Variants in ABI1 observed in about 807,000 individuals in gnomAD.
ABI1 encodes abl interactor 1.
ABI1 carries 14 observed loss-of-function variants against 54.6 expected under a neutral mutation model. That is an observed-to-expected ratio of 0.26 (90% CI 0.17 to 0.40). The LOEUF is 0.40. ABI1 is among the 10% of genes least tolerant of loss of function. ABI1 has a pLI of 1.00. For missense variants in ABI1, 443 were observed against 598.3 expected, an observed-to-expected ratio of 0.74 and a Z score of 2.71; for synonymous variants, 194 against 209.3, an observed-to-expected ratio of 0.93 and a Z score of 0.63.
At chr10:26,807,522 C>T (rs977130949) in intron 2 of ABI1, among the ~76,000 whole-genome samples, 2 of 152,144 alleles carry the variant, frequency 1.3e-5, no homozygotes, top group African/African-American at 4.8e-5. Context: ...TGACTTAAAT[C>T]GCAAACTTTC....
chr10:26,766,026 T>C (rs1389289925), intron 6 of ABI1, among the ~76,000 whole-genome samples: 10 of 152,240 alleles, frequency 6.6e-5, no homozygotes, highest in Non-Finnish European at 1.5e-4. Context: ...GGTAATGTAA[T>C]AGATACAACA....
At chr10:26,771,030 T>C in intron 4 of ABI1, 45 bp downstream of exon 4, 2 of 1,603,092 alleles carry the variant, frequency 1.2e-6, no homozygotes, top group South Asian at 1.1e-5. Flanking sequence ...CCTCTATCAA[T>C]ACAGAGGAAA....
At chr10:26,784,059 CG>C (rs1344102796) in intron 2 of ABI1, among the ~76,000 whole-genome samples, 1 of 152,082 alleles carries the variant, frequency 6.6e-6, no homozygotes, top group Non-Finnish European at 1.5e-5. Context: ...ACCTTAGATG[CG>C]GGGAAGTAAG....
At chr10:26,850,813 G>T (rs181302735) in intron 1 of ABI1, among the ~76,000 whole-genome samples, 2,408 of 134,388 alleles carry the variant, frequency 0.018, 45 homozygotes, top group African/African-American at 0.051. Flanking sequence ...GGTCAAGTAG[G>T]TTATTAGATA....
chr10:26,786,340 G>T (rs1057384873), intron 2 of ABI1, among the ~76,000 whole-genome samples: 1 of 151,550 alleles, frequency 6.6e-6, no homozygotes, highest in Non-Finnish European at 1.5e-5. Flanking sequence ...CATGACTCCC[G>T]AGTAGCTGGG....
chr10:26,800,607 T>C (rs776564574), intron 2 of ABI1, among the ~76,000 whole-genome samples: 5 of 151,926 alleles, frequency 3.3e-5, no homozygotes, highest in Non-Finnish European at 5.9e-5. Context: ...TGAGAACTCA[T>C]CTCTATAAAA....
At chr10:26,749,250 CTTACT>C (rs1182333878) in intron 10 of ABI1, among the ~76,000 whole-genome samples, 2 of 152,064 alleles carry the variant, frequency 1.3e-5, no homozygotes, top group South Asian at 4.1e-4. Context: ...AGAATATTTA[CTTACT>C]TTAAAGGATT....
intron 2 of ABI1, among the ~76,000 whole-genome samples, chr10:26,787,490 C>T (rs116682279): frequency 2.9e-4 from 44 of 152,216 alleles, no homozygotes; most frequent in African/African-American, 9.9e-4. Context: ...CTACTCTGGT[C>T]TACTCCCTCT....
intron 4 of ABI1, 93 bp downstream of exon 4, chr10:26,770,982 G>A: frequency 2.4e-6 from 3 of 1,254,086 alleles, no homozygotes; most frequent in South Asian, 1.2e-5. Flanking sequence ...AAAGCAGACA[G>A]ACATAAGAAG....
rs1053959943 is a variant in ABI1, at chr10:26,777,133, G to A, written c.394C>T (p.Arg132Cys). The change falls in exon 3 of 11, where the codon CGC becomes TGC. Residue 132 changes from arginine (R) to cysteine (C), a missense_variant. Transcript: ENST00000376140. ...GGTTTCCGAATATACCTTACAGGGC[G>A]CTCCATATTCGCAGGTGCTATTATT... The part of the protein sequence containing the change: ...HKIIAPANME[R>C]PVRYIRKPID... 1.9e-6 allele frequency: 3 copies of A among 1,613,764 alleles called. No homozygotes were observed. The highest frequency in any genetic ancestry group is 2.2e-5 in the East Asian group (1 of 44,878).
At chr10:26,761,617 C>CTTATAT (rs1839173379) in intron 7 of ABI1, among the ~76,000 whole-genome samples, 1 of 49,836 alleles carries the variant, frequency 2.0e-5, no homozygotes, top group Non-Finnish European at 3.5e-5. Flanking sequence ...TAGTTTTTGT[C>CTTATAT]ATATATATAT....
At chr10:26,817,529 C>T (rs2133692265) in intron 2 of ABI1, among the ~76,000 whole-genome samples, 1 of 152,264 alleles carries the variant, frequency 6.6e-6, no homozygotes, top group Admixed American at 6.5e-5. Context: ...CCCAGCTACT[C>T]AAGAAGCTGA....
intron 1 of ABI1, among the ~76,000 whole-genome samples, chr10:26,835,150 A>G (rs1028035038): frequency 1.3e-5 from 2 of 151,848 alleles, no homozygotes; most frequent in African/African-American, 4.8e-5. Context: ...CCCAGTTAAA[A>G]TGGCTTATAT....
intron 1 of ABI1, 127 bp from the exon 2 acceptor site, chr10:26,823,432 TATG>T: frequency 1.3e-6 from 1 of 771,076 alleles, no homozygotes; most frequent in Non-Finnish European, 1.9e-6. Flanking sequence ...ACTGTACCAA[TATG>T]ATAGTCTCAG....
intron 6 of ABI1, among the ~76,000 whole-genome samples, chr10:26,768,536 C>T (rs115825896): frequency 0.024 from 3,481 of 145,736 alleles, 99 homozygotes; most frequent in African/African-American, 0.077. Flanking sequence ...AAAACTCCGT[C>T]ACAAAAAAAA....
chr10:26,783,221 T>G (rs1842351534), intron 2 of ABI1, among the ~76,000 whole-genome samples: 1 of 152,208 alleles, frequency 6.6e-6, no homozygotes, highest in Non-Finnish European at 1.5e-5. Flanking sequence ...AAATATTGTA[T>G]GATTCCATTT....
At chr10:26,817,659 T>A (rs888779401) in intron 2 of ABI1, among the ~76,000 whole-genome samples, 6 of 152,172 alleles carry the variant, frequency 3.9e-5, no homozygotes, top group Middle Eastern at 3.2e-3. Context: ...AATGTCAAGG[T>A]ACTTAATGCC....
chr10:26,857,515 C>T (rs1350263204), intron 1 of ABI1, among the ~76,000 whole-genome samples: 2 of 151,250 alleles, frequency 1.3e-5, no homozygotes, highest in Non-Finnish European at 1.5e-5. Context: ...TGGTGGTGCG[C>T]ACCTGTAGTC....
At position 26,747,359 on chromosome 10, in the gene ABI1, C is replaced by CAT. The variant is rs1260212013; in HGVS notation, c.*1210_*1211insAT. 1.1e-4 allele frequency: 24 copies of CAT among 224,900 alleles called. No homozygotes were observed. In the Admixed American group the frequency reaches 1.1e-3, roughly 11 times the overall value. The allele number at this position is 224,900 out of a possible 1,614,324, so 13.9% of individuals were successfully genotyped here. A position where few individuals can be genotyped will look rare whatever the true frequency, so the allele number is the denominator to read the frequency against. ...GTTGCATTTTGATTATGTCAAAAGACAATCCAAGTCTGTTGGTTAGGTAAA... is the reference window on the plus strand; with the variant it reads ...GTTGCATTTTGATTATGTCAAAAGACATAATCCAAGTCTGTTGGTTAGGTAAA... On this transcript the variant is annotated 3_prime_UTR_variant, in exon 11 of 11. Transcript: ENST00000376140.
Sources: gnomAD v4.1 joint callset for allele counts (sites outside exome capture counted in the v4.1 genomes callset) on GRCh38, gnomAD v4.1.1 for gene constraint, MANE v1.5 for transcripts, NCBI Gene and HGNC (gene_info 2026-07-23, HGNC 2026-07-21) for gene names.